The following ANKFN1 variants were observed in gnomAD, a reference collection of about 807,000 sequenced individuals.
ANKFN1 encodes the protein ankyrin repeat and fibronectin type-III domain-containing protein 1.
ANKFN1 carries 74 observed loss-of-function variants against 108.7 expected under a neutral mutation model. The observed-to-expected ratio is 0.68, with a 90% CI of 0.56 to 0.83. The LOEUF (loss-of-function observed/expected upper bound fraction) is 0.83, where lower values mean the gene tolerates loss of function less well. Ranked by LOEUF, ANKFN1 falls within the 40% of genes least tolerant of loss-of-function variation. The probability of loss-of-function intolerance (pLI) is 0.00; values close to 1 mark genes in which losing one functional copy is unlikely to be tolerated. For missense variants in ANKFN1, 1,505 were observed against 1,382.3 expected (o/e 1.09, Z -1.41); for synonymous variants, 547 against 516.2 (o/e 1.06, Z -0.81).
intron 4 of ANKFN1, among the ~76,000 whole-genome samples, chr17:56,078,383 A>C (rs192536776): frequency 6.6e-6 from 1 of 152,260 alleles, no homozygotes; most frequent in East Asian, 1.9e-4. Flanking sequence ...TCATACCATG[A>C]CTATGGACCA....
At chr17:56,327,307 GC>G (rs1367839443) in intron 4 of ANKFN1, among the ~76,000 whole-genome samples, 1 of 152,078 alleles carries the variant, frequency 6.6e-6, no homozygotes, top group Non-Finnish European at 1.5e-5. Flanking sequence ...CTACCCCAAG[GC>G]TTTATGGCAG....
rs140377732 is a variant in ANKFN1 at position 56,064,346 on chromosome 17, C to T, written c.288+18021C>T. Among the ~76,000 whole-genome samples, 158 of 152,264 alleles carry T rather than the reference C, an allele frequency of 1.0e-3. 2 individuals are homozygous for T. Among genetic ancestry groups the T allele is most frequent in the African/African-American group, 3.5e-3 (144 of 41,578 alleles). On this transcript the variant is annotated intron_variant, in intron 4 of 12. Coordinates refer to the ANKFN1 transcript ENST00000635860. Reference sequence around the variant, plus strand: ...CTAACAGGAGGAAAGGCTAAGTGTGCTGGTCTGCGGAGACTGCGGCCACCA... The same window carrying T: ...CTAACAGGAGGAAAGGCTAAGTGTGTTGGTCTGCGGAGACTGCGGCCACCA...
Position 56,510,990 on chromosome 17 carries a change from C to T in ANKFN1, c.3162C>T (p.Ala1054=), listed in dbSNP as rs2241936. 30 of 1,535,860 alleles carry T rather than the reference C, an allele frequency of 2.0e-5. No homozygotes were observed. The highest frequency in any genetic ancestry group is 4.1e-5 in the African/African-American group (3 of 73,068). ...AGGAGCCCAAGGAGGCCAAGCGGGC[C>T]GGCCCTGCCCTTGATGATCCCAGGG... The part of the protein sequence containing the change: ...LAQEPKEAKR[A]GPALDDPRGL... The change falls in exon 21 of 21, where the codon GCC becomes GCT. Residue 1054 remains alanine, a synonymous_variant. Coordinates refer to ENST00000682825, the MANE Select transcript of ANKFN1 (RefSeq NM_001370326.1).
intron 1 of ANKFN1, among the ~76,000 whole-genome samples, chr17:56,160,440 T>C (rs1909546096): frequency 6.6e-6 from 1 of 152,234 alleles, no homozygotes; most frequent in Non-Finnish European, 1.5e-5. Flanking sequence ...TTTTTCTTTC[T>C]TTTTCTTTAT....
At position 56,434,492 on chromosome 17, in the gene ANKFN1, T is replaced by C. The variant is rs374200223; in HGVS notation, c.911-5835T>C. Among the ~76,000 whole-genome samples the C allele has an allele frequency of 2.1e-4, 32 of 152,310 alleles. No individual in the cohort carries two copies. The East Asian group carries it at 6.2e-3, about 29-fold the overall frequency. On this transcript the variant is annotated intron_variant, in intron 8 of 20. Coordinates refer to ENST00000682825, the MANE Select transcript of ANKFN1 (RefSeq NM_001370326.1). ...TTTAATTTGGGGAAAAAAAATGTTT[T>C]TCTAATTAACTGGATGACTGTGTGC...
intron 3 of ANKFN1, among the ~76,000 whole-genome samples, chr17:56,263,604 A>G (rs2043575909): frequency 6.6e-6 from 1 of 152,220 alleles, no homozygotes; most frequent in Non-Finnish European, 1.5e-5. Flanking sequence ...GGTGTCTCCA[A>G]AAGCAATTTG....
intron 1 of ANKFN1, among the ~76,000 whole-genome samples, chr17:56,179,793 A>G (rs1911516329): frequency 6.6e-6 from 1 of 152,218 alleles, no homozygotes. Flanking sequence ...GACGCCCAGA[A>G]CAGAGCCTGG....
At chr17:56,387,376 A>G (rs2047306033) in intron 8 of ANKFN1, among the ~76,000 whole-genome samples, 1 of 152,216 alleles carries the variant, frequency 6.6e-6, no homozygotes, top group Non-Finnish European at 1.5e-5. Flanking sequence ...TTTGTAAACA[A>G]TTTGTAATTT....
intron 15 of ANKFN1, among the ~76,000 whole-genome samples, chr17:56,469,644 G>A (rs1264657064): frequency 6.6e-6 from 1 of 152,062 alleles, no homozygotes; most frequent in African/African-American, 2.4e-5. Flanking sequence ...ATCCCTCACA[G>A]TTCCTCCTCT....
chr17:56,436,551 C>T lies in ANKFN1; in HGVS notation c.911-3776C>T, dbSNP rs7207604. The stretch of plus-strand genomic sequence containing the variant: ...TAGAATTCCCAGTTGCGGCCGGGCA[C>T]GGTGGCTCATGCCTATAATCCCAAC... On this transcript the variant is annotated intron_variant, in intron 8 of 20. Transcript: ENST00000682825. Among the ~76,000 whole-genome samples, 1,482 of 152,158 alleles carry T rather than the reference C, an allele frequency of 9.7e-3. 21 individuals carry two copies. The highest frequency in any genetic ancestry group is 0.033 in the African/African-American group (1,377 of 41,484).
In ANKFN1 at chr17:56,363,192, C is replaced by G. The variant is rs956960970; in HGVS notation, c.601+9146C>G. Among the ~76,000 whole-genome samples the G allele has an allele frequency of 4.6e-5, 7 of 152,072 alleles. No homozygotes were observed. In the South Asian group the frequency reaches 8.3e-4, roughly 18 times the overall value. Reference sequence around the variant, plus strand: ...TGGGCCGAGATCGCACCACAGCACTCCAGCCTGGGGACAGAGGGAGACTCC... The same window carrying G: ...TGGGCCGAGATCGCACCACAGCACTGCAGCCTGGGGACAGAGGGAGACTCC... On this transcript the variant is annotated intron_variant, in intron 6 of 20. Transcript: ENST00000682825.
chr17:56,090,199 TATAG>T lies in ANKFN1; in HGVS notation c.288+43875_288+43878del, dbSNP rs1905386741. ...TGTCACGGAGTGAAATGGGGCGCTG[TATAG>T]TGTATGAGCCAGAATGTGAGCACTG... On this transcript the variant is annotated intron_variant, in intron 4 of 12. Transcript: ENST00000635860. Among the ~76,000 whole-genome samples, 7 of 151,272 alleles carry T rather than the reference TATAG, an allele frequency of 4.6e-5. No individual in the cohort carries two copies. In the East Asian group the frequency reaches 9.7e-4, roughly 21 times the overall value.
chr17:56,387,859 A>G (rs2047319478), intron 8 of ANKFN1, among the ~76,000 whole-genome samples: 1 of 152,058 alleles, frequency 6.6e-6, no homozygotes, highest in East Asian at 1.9e-4. Context: ...GACATTTGCA[A>G]TGCATTTGTC....
chr17:56,516,257 AGTGT>A lies in ANKFN1; in HGVS notation c.*5010_*5013del, dbSNP rs71139913. Among the ~76,000 whole-genome samples the A allele has an allele frequency of 7.1e-3, 1,051 of 148,432 alleles. 7 individuals carry two copies. Among genetic ancestry groups the A allele is most frequent in the African/African-American group, 0.011 (465 of 40,540 alleles). On this transcript the variant is annotated 3_prime_UTR_variant, in exon 21 of 21. Transcript: ENST00000682825. ...GTTTGATGTTTGTGATTTTTAAAAA[AGTGT>A]GTGTGTGTGTGTGTGTGTGTGCGTG...
intron 8 of ANKFN1, among the ~76,000 whole-genome samples, chr17:56,423,603 T>A (rs1449210680): frequency 6.6e-6 from 1 of 152,144 alleles, no homozygotes; most frequent in Non-Finnish European, 1.5e-5. Flanking sequence ...TTTTTTCACA[T>A]GATTGTGCCC....
At chr17:56,098,446 G>A (rs935339623) in intron 4 of ANKFN1, among the ~76,000 whole-genome samples, 11 of 150,546 alleles carry the variant, frequency 7.3e-5, no homozygotes, top group African/African-American at 1.5e-4. Flanking sequence ...ACACGCGCGC[G>A]CACATACTCT....
chr17:56,073,786 G>A (rs2143144955), intron 4 of ANKFN1, among the ~76,000 whole-genome samples: 1 of 152,274 alleles, frequency 6.6e-6, no homozygotes, highest in Non-Finnish European at 1.5e-5. Flanking sequence ...TGTCTGATCT[G>A]TTTCACTTAG....
At position 56,325,747 on chromosome 17, in the gene ANKFN1, C is replaced by T. The variant is rs548834616; in HGVS notation, c.54-474C>T. 8.3e-4 allele frequency among the ~76,000 whole-genome samples: 126 copies of T among 152,310 alleles called. 4 individuals carry two copies. Among genetic ancestry groups the T allele is most frequent in the Admixed American group, 7.7e-3 (118 of 15,300 alleles). On this transcript the variant is annotated intron_variant, in intron 3 of 20. Coordinates refer to ENST00000682825, the MANE Select transcript of ANKFN1 (RefSeq NM_001370326.1). Reference sequence around the variant, plus strand: ...CCACTTGTGTGCTTCTGGTCCCAGACGGCTGTGGAAACAAGGCGGTGTCTG... The same window carrying T: ...CCACTTGTGTGCTTCTGGTCCCAGATGGCTGTGGAAACAAGGCGGTGTCTG...
chr17:56,359,637 G>A (rs1461711897), intron 6 of ANKFN1, among the ~76,000 whole-genome samples: 2 of 152,160 alleles, frequency 1.3e-5, no homozygotes, highest in African/African-American at 4.8e-5. Flanking sequence ...TGTCATTTGA[G>A]TATGGTGCAG....
Sources: gnomAD v4.1 joint callset for allele counts (sites outside exome capture counted in the v4.1 genomes callset) on GRCh38, gnomAD v4.1.1 for gene constraint, MANE v1.5 for transcripts, NCBI Gene and HGNC (gene_info 2026-07-23, HGNC 2026-07-21) for gene names.